The following CNKSR3 variants were observed in gnomAD, a reference collection of about 807,000 sequenced individuals.
The protein encoded by CNKSR3 is connector enhancer of kinase suppressor of ras 3.
CNKSR3 carries 36 observed loss-of-function variants against 67.7 expected under a neutral mutation model. That is an observed-to-expected ratio of 0.53 (90% confidence interval 0.41 to 0.70). The LOEUF (loss-of-function observed/expected upper bound fraction) is 0.70, where lower values mean the gene tolerates loss of function less well. Ranked by LOEUF, CNKSR3 falls within the 30% of genes least tolerant of loss-of-function variation. The probability of loss-of-function intolerance (pLI) is 0.00; values close to 1 mark genes in which losing one functional copy is unlikely to be tolerated. For missense variants in CNKSR3, 630 were observed against 695.2 expected (o/e 0.91, Z 1.05); for synonymous variants, 281 against 271.4 (o/e 1.04, Z -0.35).
In CNKSR3 at chr6:154,399,720, A is replaced by G. The variant is rs918095361; in HGVS notation, c.*6634T>C. ...AAACGGAACCTGACACTGAGTTAAA[A>G]GGACAATTTCTTCCTTCAGAGACAA... is the stretch of plus-strand genomic sequence containing the variant. On this transcript the variant is annotated 3_prime_UTR_variant, in exon 13 of 13. Transcript: ENST00000607772. 1 of 152,198 alleles carries G rather than the reference A, an allele frequency of 6.6e-6. No individual in the cohort carries two copies. The highest frequency in any genetic ancestry group is 1.5e-5 in the Non-Finnish European group (1 of 68,032). The allele number at this position is 152,198 out of a possible 1,614,324, so 9.4% of individuals were successfully genotyped here.
At position 154,406,153 on chromosome 6, in the gene CNKSR3, A is replaced by C; in HGVS notation, c.*201T>G. ...CCATTTCCCTCCTTTTGTCTCCACA[A>C]GCCAGCACCTAAGATCCTCTGAATT... On this transcript the variant is annotated 3_prime_UTR_variant, in exon 13 of 13. Coordinates refer to ENST00000607772, the MANE Select transcript of CNKSR3 (RefSeq NM_173515.4). The C allele has an allele frequency of 1.7e-6, 1 of 587,664 alleles. No individual in the cohort carries two copies. Among genetic ancestry groups the C allele is most frequent in the Non-Finnish European group, 3.0e-6 (1 of 333,302 alleles). 36.4% of individuals were successfully genotyped at this position (587,664 alleles called of 1,614,324 possible).
At chr6:154,468,730 A>G (rs1044554717) in intron 1 of CNKSR3, among the ~76,000 whole-genome samples, 1 of 152,196 alleles carries the variant, frequency 6.6e-6, no homozygotes, top group African/African-American at 2.4e-5. Context: ...AGCAACAGGA[A>G]GCCATTATGG....
At chr6:154,429,742 A>G (rs970524147) in intron 6 of CNKSR3, among the ~76,000 whole-genome samples, 2 of 151,816 alleles carry the variant, frequency 1.3e-5, no homozygotes. Context: ...TCTCCTCAAC[A>G]TCATCAATAC....
At chr6:154,502,250 GGCACGATCTCAGCTCACT>G (rs1787013101) in intron 1 of CNKSR3, among the ~76,000 whole-genome samples, 1 of 150,506 alleles carries the variant, frequency 6.6e-6, no homozygotes, top group African/African-American at 2.4e-5. Flanking sequence ...GGAGTGCAGT[GGCACGATCTCAGCTCACT>G]GCAACCTCTG....
chr6:154,424,515 G>A (rs1434447364), intron 7 of CNKSR3, among the ~76,000 whole-genome samples: 2 of 152,292 alleles, frequency 1.3e-5, no homozygotes, highest in East Asian at 3.9e-4. Flanking sequence ...TTTGAACACA[G>A]GGAGAGGGAC....
chr6:154,503,752 G>T (rs1787042333), intron 1 of CNKSR3, among the ~76,000 whole-genome samples: 1 of 152,016 alleles, frequency 6.6e-6, no homozygotes, highest in South Asian at 2.1e-4. Flanking sequence ...GCTAGGTGGT[G>T]CTTATAAATA....
At chr6:154,507,412 A>G (rs974318071) in intron 1 of CNKSR3, among the ~76,000 whole-genome samples, 2 of 152,244 alleles carry the variant, frequency 1.3e-5, no homozygotes, top group Non-Finnish European at 2.9e-5. Flanking sequence ...CAAAGTCTAC[A>G]TGAAGAGCTG....
chr6:154,434,557 T>A (rs551680542), intron 4 of CNKSR3, among the ~76,000 whole-genome samples: 42 of 152,362 alleles, frequency 2.8e-4, no homozygotes, highest in African/African-American at 9.9e-4. Flanking sequence ...CTACTCTATA[T>A]GATTTAATAA....
intron 1 of CNKSR3, among the ~76,000 whole-genome samples, chr6:154,502,672 G>A (rs1787023012): frequency 6.6e-6 from 1 of 152,222 alleles, no homozygotes; most frequent in African/African-American, 2.4e-5. Flanking sequence ...CTCATCTGCA[G>A]TGGAAACTGC....
intron 1 of CNKSR3, among the ~76,000 whole-genome samples, chr6:154,464,192 C>G (rs1488381084): frequency 6.6e-6 from 1 of 152,120 alleles, no homozygotes; most frequent in African/African-American, 2.4e-5. Context: ...AAAACCAGAT[C>G]CTGGGTTGGC....
At chr6:154,461,055 T>G (rs1786069041) in intron 1 of CNKSR3, among the ~76,000 whole-genome samples, 1 of 152,218 alleles carries the variant, frequency 6.6e-6, no homozygotes, top group African/African-American at 2.4e-5. Context: ...CCAGGTCTTG[T>G]ATTAAATTAA....
intron 1 of CNKSR3, among the ~76,000 whole-genome samples, chr6:154,505,968 C>A (rs1325939542): frequency 6.6e-6 from 1 of 152,126 alleles, no homozygotes; most frequent in African/African-American, 2.4e-5. Context: ...AATGAAATTT[C>A]TCATATTTAA....
rs2128709065 is a variant in CNKSR3, at chr6:154,399,709, ACT to A, written c.*6643_*6644del. ...TATGAGTAAGAAAACGGAACCTGAC[ACT>A]GAGTTAAAAGGACAATTTCTTCCTT... On this transcript the variant is annotated 3_prime_UTR_variant, in exon 13 of 13. Coordinates refer to ENST00000607772, the MANE Select transcript of CNKSR3 (RefSeq NM_173515.4). 1 of 152,310 alleles carries A rather than the reference ACT, an allele frequency of 6.6e-6. No homozygotes were observed. The highest frequency in any genetic ancestry group is 1.9e-4 in the East Asian group (1 of 5,186). 9.4% of individuals were successfully genotyped at this position (152,310 alleles called of 1,614,324 possible).
intron 4 of CNKSR3, among the ~76,000 whole-genome samples, chr6:154,435,536 T>G (rs1460378279): frequency 6.6e-6 from 1 of 152,192 alleles, no homozygotes; most frequent in Non-Finnish European, 1.5e-5. Flanking sequence ...ATTGTTCCAG[T>G]TGGCGTGTGA....
Position 154,395,971 on chromosome 6 carries a change from T to A in CNKSR3, c.*10383A>T, listed in dbSNP as rs1235251701. On this transcript the variant is annotated 3_prime_UTR_variant, in exon 13 of 13. Coordinates refer to ENST00000607772, the MANE Select transcript of CNKSR3 (RefSeq NM_173515.4). Reference sequence around the variant, plus strand: ...GTCTCAAACTCCTGGGCTCAAGCAATCCACCGGCCTCAGCCTCCCAAAATG... The same window carrying A: ...GTCTCAAACTCCTGGGCTCAAGCAAACCACCGGCCTCAGCCTCCCAAAATG... 3 of 152,390 alleles carry A rather than the reference T, an allele frequency of 2.0e-5. No individual in the cohort carries two copies. Among genetic ancestry groups the A allele is most frequent in the African/African-American group, 7.2e-5 (3 of 41,442 alleles). 9.4% of individuals were successfully genotyped at this position (152,390 alleles called of 1,614,324 possible). A position where few individuals can be genotyped will look rare whatever the true frequency, so the allele number is the denominator to read the frequency against.
intron 1 of CNKSR3, among the ~76,000 whole-genome samples, chr6:154,496,090 G>A (rs932424989): frequency 1.3e-5 from 2 of 152,100 alleles, no homozygotes; most frequent in African/African-American, 4.8e-5. Flanking sequence ...CACTATACAT[G>A]ACGTTACCAG....
intron 7 of CNKSR3, among the ~76,000 whole-genome samples, chr6:154,424,742 C>G (rs1052489014): frequency 6.7e-6 from 1 of 149,270 alleles, no homozygotes; most frequent in Non-Finnish European, 1.5e-5. Context: ...ATGTTCATCT[C>G]AAGTTTCTGT....
Position 154,405,275 on chromosome 6 carries a change from A to T in CNKSR3, c.*1079T>A, listed in dbSNP as rs528822074. 1 of 152,686 alleles carries T rather than the reference A, an allele frequency of 6.5e-6. No homozygotes were observed. Among genetic ancestry groups the T allele is most frequent in the South Asian group, 2.1e-4 (1 of 4,836 alleles). 9.5% of individuals were successfully genotyped at this position (152,686 alleles called of 1,614,324 possible). ...ACTAGCTTCGTGTATGACGCAAAAC[A>T]GAAATATTTCAATTACAGGTGACTA... On this transcript the variant is annotated 3_prime_UTR_variant, in exon 13 of 13. Transcript: ENST00000607772.
chr6:154,416,936 T>C (rs1461473841), intron 9 of CNKSR3, among the ~76,000 whole-genome samples: 2 of 152,206 alleles, frequency 1.3e-5, no homozygotes, highest in Non-Finnish European at 2.9e-5. Context: ...TAGAGGGACT[T>C]GGCAGGAAAG....
Sources: gnomAD v4.1 joint callset for allele counts (sites outside exome capture counted in the v4.1 genomes callset) on GRCh38, gnomAD v4.1.1 for gene constraint, MANE v1.5 for transcripts, NCBI Gene and HGNC (gene_info 2026-07-23, HGNC 2026-07-21) for gene names.